TNKS: variants seen among roughly 807,000 people sequenced by gnomAD.
The protein encoded by TNKS is tankyrase.
In TNKS, 72 loss-of-function variants were observed where a neutral mutation model predicts 135.8. The ratio of observed to expected loss-of-function variants is 0.53; its 90% CI spans 0.44 to 0.64. The LOEUF is 0.64. Ranked by LOEUF, TNKS falls within the 30% of genes least tolerant of loss-of-function variation. The probability of loss-of-function intolerance (pLI) is 0.00; values close to 1 mark genes in which losing one functional copy is unlikely to be tolerated. For synonymous variants in TNKS, 849 were observed against 649.3 expected (o/e 1.31, Z -4.68); for missense variants, 1,769 against 1,674.0 (o/e 1.06, Z -0.99).
At chr8:9,748,258 C>G in intron 18 of TNKS, 46 bp downstream of exon 18, 2 of 1,359,028 alleles carry the variant, frequency 1.5e-6, no homozygotes, top group Non-Finnish European at 9.6e-7. Context: ...TCTACTTTCA[C>G]AGATGACATC....
At chr8:9,774,052 G>A (rs1171548308) in intron 26 of TNKS, among the ~76,000 whole-genome samples, 33 of 151,868 alleles carry the variant, frequency 2.2e-4, no homozygotes. Flanking sequence ...TTTCTTTCTT[G>A]AAGATTGAAA....
chr8:9,718,888 T>G (rs1804733424), intron 11 of TNKS, among the ~76,000 whole-genome samples: 1 of 152,224 alleles, frequency 6.6e-6, no homozygotes, highest in Non-Finnish European at 1.5e-5. Context: ...CATCAAATCA[T>G]GTTCCCATGC....
At chr8:9,660,903 A>G (rs906591712) in intron 3 of TNKS, among the ~76,000 whole-genome samples, 6 of 151,870 alleles carry the variant, frequency 4.0e-5, no homozygotes, top group African/African-American at 1.5e-4. Flanking sequence ...AGGATACAAA[A>G]TCAATGTGCA....
intron 1 of TNKS, among the ~76,000 whole-genome samples, chr8:9,559,312 T>G (rs1797229824): frequency 6.6e-6 from 1 of 152,212 alleles, no homozygotes; most frequent in Non-Finnish European, 1.5e-5. Flanking sequence ...AGGTAGATTT[T>G]TTTAAAGCAG....
chr8:9,676,468 A>C (rs1802540272), intron 3 of TNKS, among the ~76,000 whole-genome samples: 2 of 152,218 alleles, frequency 1.3e-5, no homozygotes. Flanking sequence ...AAAAGCACTT[A>C]CAATGTTAAA....
At chr8:9,573,428 C>A (rs79523048) in intron 1 of TNKS, among the ~76,000 whole-genome samples, 10,752 of 152,230 alleles carry the variant, frequency 0.071, 415 homozygotes, top group South Asian at 0.17. Flanking sequence ...CATTTGGCTG[C>A]CTTTAGCTGA....
At chr8:9,758,993 A>C (rs1247481573) in intron 20 of TNKS, among the ~76,000 whole-genome samples, 1 of 152,206 alleles carries the variant, frequency 6.6e-6, no homozygotes, top group East Asian at 1.9e-4. Flanking sequence ...GGCAGGATTC[A>C]GTCCCTTGCA....
At chr8:9,668,257 A>C (rs1237330498) in intron 3 of TNKS, among the ~76,000 whole-genome samples, 1 of 152,224 alleles carries the variant, frequency 6.6e-6, no homozygotes, top group Non-Finnish European at 1.5e-5. Context: ...TAAATAAAAG[A>C]TTTAGATCAG....
intron 1 of TNKS, among the ~76,000 whole-genome samples, chr8:9,567,793 C>T (rs958626060): frequency 1.3e-5 from 2 of 152,112 alleles, no homozygotes; most frequent in African/African-American, 4.8e-5. Flanking sequence ...TGTTTTGACT[C>T]ATGGAAGAAG....
chr8:9,627,716 G>A (rs1800118009), intron 3 of TNKS, among the ~76,000 whole-genome samples: 1 of 152,020 alleles, frequency 6.6e-6, no homozygotes, highest in Non-Finnish European at 1.5e-5. Flanking sequence ...CTATTTTGTT[G>A]CCGTAATCAA....
chr8:9,622,876 T>A (rs899782662), intron 3 of TNKS, among the ~76,000 whole-genome samples: 10 of 152,194 alleles, frequency 6.6e-5, no homozygotes, highest in African/African-American at 1.9e-4. Context: ...AGACCCCCAG[T>A]GGATACCTGA....
chr8:9,759,269 G>A (rs530470100), intron 20 of TNKS, among the ~76,000 whole-genome samples: 3 of 152,340 alleles, frequency 2.0e-5, no homozygotes, highest in Admixed American at 6.5e-5. Flanking sequence ...AGTCCAAAGC[G>A]TGAGCGCCCA....
At chr8:9,650,790 T>TA (rs1801121077) in intron 3 of TNKS, among the ~76,000 whole-genome samples, 5 of 152,344 alleles carry the variant, frequency 3.3e-5, no homozygotes, top group Admixed American at 2.6e-4. Flanking sequence ...GCTGATGATT[T>TA]CTTTTGCTGT....
chr8:9,586,718 A>G (rs1466483123), intron 2 of TNKS, among the ~76,000 whole-genome samples: 4 of 137,494 alleles, frequency 2.9e-5, no homozygotes, highest in Non-Finnish European at 6.1e-5. Flanking sequence ...ATTTATATCT[A>G]AAACGTGTGT....
intron 14 of TNKS, among the ~76,000 whole-genome samples, chr8:9,732,997 A>G (rs1289264552): frequency 6.6e-6 from 1 of 152,204 alleles, no homozygotes; most frequent in African/African-American, 2.4e-5. Flanking sequence ...TAAGCATACA[A>G]TTTTCATTAG....
In TNKS at chr8:9,781,847, G is replaced by A. The variant is rs536928474; in HGVS notation, c.*5111G>A. 23 of 152,694 alleles carry A rather than the reference G, an allele frequency of 1.5e-4. No individual in the cohort carries two copies. The highest frequency in any genetic ancestry group is 5.3e-4 in the African/African-American group (22 of 41,548). 9.5% of individuals were successfully genotyped at this position (152,694 alleles called of 1,614,324 possible). A position where few individuals can be genotyped will look rare whatever the true frequency, so the allele number is the denominator to read the frequency against. On this transcript the variant is annotated 3_prime_UTR_variant, in exon 27 of 27. Transcript: ENST00000310430. ...TTAGTCTCTGTGTGACCCAACAGTG[G>A]CAGGGGTTACAACCCCCTCTCCTTT...
chr8:9,576,499 C>G (rs1797953162), intron 1 of TNKS, among the ~76,000 whole-genome samples: 1 of 137,544 alleles, frequency 7.3e-6, no homozygotes, highest in Non-Finnish European at 1.5e-5. Flanking sequence ...GAGATGGAGT[C>G]TGGCTCTGTT....
rs181198933 is a variant in TNKS, at chr8:9,596,966, A to G, written c.898+16583A>G. ...GTGATGGGCTTATTAGGAAGAGGAC[A>G]TTGAATATAGGAGTGGTATACGAGG... On this transcript the variant is annotated intron_variant, in intron 2 of 26. Transcript: ENST00000310430. Among the ~76,000 whole-genome samples, 74 of 152,382 alleles carry G rather than the reference A, an allele frequency of 4.9e-4. No individual in the cohort carries two copies. The East Asian group carries it at 0.012, about 25-fold the overall frequency.
At chr8:9,721,006 G>A (rs1017788179) in intron 12 of TNKS, among the ~76,000 whole-genome samples, 3 of 151,946 alleles carry the variant, frequency 2.0e-5, no homozygotes, top group African/African-American at 7.3e-5. Context: ...TATAGGCCGG[G>A]CACAGTGGCT....
Sources: allele counts gnomAD v4.1 joint callset (sites outside exome capture counted in the v4.1 genomes callset), GRCh38; gene constraint gnomAD v4.1.1; transcripts MANE v1.5; gene names NCBI Gene and HGNC (gene_info 2026-07-23, HGNC 2026-07-21).